The following NEBL variants were observed in gnomAD, a reference collection of about 807,000 sequenced individuals.
The protein encoded by NEBL is LIM and SH3 protein 2.
In NEBL, 122 loss-of-function variants were observed where a neutral mutation model predicts 140.2. That is an observed-to-expected ratio of 0.87 (90% CI 0.75 to 1.01). The LOEUF (loss-of-function observed/expected upper bound fraction) is 1.01, where lower values mean the gene tolerates loss of function less well. Among genes scored for constraint, NEBL ranks in the 50% least tolerant of loss-of-function variants. The pLI is 0.00. For synonymous variants in NEBL, 436 were observed against 398.9 expected, an observed-to-expected ratio of 1.09 and a Z score of -1.11; for missense variants, 1,365 against 1,231.3, an observed-to-expected ratio of 1.11 and a Z score of -1.62.
intron 3 of NEBL, among the ~76,000 whole-genome samples, chr10:20,999,102 T>C (rs1489838993): frequency 6.6e-6 from 1 of 151,858 alleles, no homozygotes; most frequent in African/African-American, 2.4e-5. Flanking sequence ...CACCAAAAAT[T>C]TCCAAATCCT....
At chr10:21,248,272 C>G (rs1348928186) in intron 2 of NEBL, among the ~76,000 whole-genome samples, 1 of 151,282 alleles carries the variant, frequency 6.6e-6, no homozygotes, top group East Asian at 1.9e-4. Flanking sequence ...TGAGGTCTCA[C>G]TATGTTGCCC....
At chr10:21,193,519 T>C (rs1841607108) in intron 3 of NEBL, among the ~76,000 whole-genome samples, 1 of 152,146 alleles carries the variant, frequency 6.6e-6, no homozygotes, top group Admixed American at 6.6e-5. Flanking sequence ...ACAAACACTA[T>C]TTCAAGCCAA....
intron 3 of NEBL, among the ~76,000 whole-genome samples, chr10:21,201,797 TA>T (rs760098043): frequency 1.3e-5 from 2 of 152,226 alleles, no homozygotes; most frequent in Non-Finnish European, 2.9e-5. Flanking sequence ...GATCTTTGTT[TA>T]TTTTTTTATT....
intron 4 of NEBL, among the ~76,000 whole-genome samples, chr10:20,926,675 T>C (rs777683056): frequency 1.3e-5 from 2 of 152,344 alleles, no homozygotes; most frequent in South Asian, 2.1e-4. Flanking sequence ...TCATGTGAGC[T>C]GAGCGGGTGC....
At chr10:21,282,001 T>A (rs541052408) in intron 1 of NEBL, among the ~76,000 whole-genome samples, 1 of 152,358 alleles carries the variant, frequency 6.6e-6, no homozygotes, top group East Asian at 1.9e-4. Flanking sequence ...AAAGTTTCCC[T>A]CCTTCTGTCC....
intron 2 of NEBL, among the ~76,000 whole-genome samples, chr10:20,891,670 T>C (rs183263109): frequency 1.1e-4 from 16 of 152,330 alleles, no homozygotes; most frequent in African/African-American, 3.8e-4. Flanking sequence ...TCAGTCTTAA[T>C]TGTAGACTCT....
intron 4 of NEBL, 144 bp downstream of exon 4, chr10:20,887,953 C>T (rs1293138321): frequency 1.4e-6 from 1 of 692,238 alleles, no homozygotes; most frequent in Non-Finnish European, 2.6e-6. Flanking sequence ...ACAGCAACTA[C>T]TGACAGCACA....
chr10:21,113,583 A>G lies in NEBL; in HGVS notation c.164+58800T>C, dbSNP rs149557616. 5.4e-3 allele frequency among the ~76,000 whole-genome samples: 826 copies of G among 152,234 alleles called. 5 individuals are homozygous for G. Among genetic ancestry groups the G allele is most frequent in the African/African-American group, 0.019 (799 of 41,550 alleles). On this transcript the variant is annotated intron_variant, in intron 2 of 6. Coordinates refer to the NEBL transcript ENST00000417816. ...GATGATATCTGGCTGTCCTTTTTAT[A>G]ATGCAGAGTGAGAACTTTCCTTACC...
chr10:21,224,425 T>C (rs1171917160), intron 3 of NEBL, among the ~76,000 whole-genome samples: 1 of 152,200 alleles, frequency 6.6e-6, no homozygotes, highest in East Asian at 1.9e-4. Context: ...AGCACCATAG[T>C]GTAATTTGAA....
chr10:21,127,387 C>T (rs1017401818), intron 2 of NEBL, among the ~76,000 whole-genome samples: 1 of 151,902 alleles, frequency 6.6e-6, no homozygotes, highest in Non-Finnish European at 1.5e-5. Flanking sequence ...ATTGCAAAAA[C>T]CATTACTTAA....
At chr10:20,867,331 A>G (rs1256544585) in intron 7 of NEBL, among the ~76,000 whole-genome samples, 9 of 152,122 alleles carry the variant, frequency 5.9e-5, no homozygotes, top group Non-Finnish European at 1.2e-4. Context: ...GACTTATTTT[A>G]TGCTCTTCAA....
intron 2 of NEBL, among the ~76,000 whole-genome samples, chr10:21,125,104 C>T (rs150973634): frequency 7.2e-5 from 11 of 152,298 alleles, no homozygotes; most frequent in South Asian, 6.2e-4. Flanking sequence ...AGTCCTATGG[C>T]GGCAAAGAAG....
At chr10:20,923,242 A>G (rs1408213915) in intron 4 of NEBL, among the ~76,000 whole-genome samples, 1 of 151,832 alleles carries the variant, frequency 6.6e-6, no homozygotes, top group Non-Finnish European at 1.5e-5. Flanking sequence ...TAATTTTTGT[A>G]TTTCTTGTAG....
chr10:21,097,465 A>G (rs1020592075), intron 2 of NEBL, among the ~76,000 whole-genome samples: 2 of 152,186 alleles, frequency 1.3e-5, no homozygotes, highest in African/African-American at 4.8e-5. Context: ...TCCCCAAAAA[A>G]ATACATAAAT....
intron 4 of NEBL, among the ~76,000 whole-genome samples, chr10:20,913,909 T>C (rs1848430868): frequency 1.3e-5 from 2 of 152,202 alleles, no homozygotes; most frequent in Admixed American, 1.3e-4. Context: ...GTTAGCCTTT[T>C]TTGTGCTCAA....
In NEBL at chr10:20,970,148, T is replaced by C. The variant is rs73607564; in HGVS notation, c.250-8369A>G. On this transcript the variant is annotated intron_variant, in intron 3 of 6. Coordinates refer to the NEBL transcript ENST00000417816. Reference sequence around the variant, plus strand: ...AGTGGCTCCTGTGTTCCAAGCATAGTAATGAGTGTTTTACATTATTGTGTG... The same window carrying C: ...AGTGGCTCCTGTGTTCCAAGCATAGCAATGAGTGTTTTACATTATTGTGTG... Among the ~76,000 whole-genome samples, 19 of 152,280 alleles carry C rather than the reference T, an allele frequency of 1.2e-4. No individual in the cohort carries two copies. The East Asian group carries it at 3.5e-3, about 28-fold the overall frequency.
intron 4 of NEBL, among the ~76,000 whole-genome samples, chr10:20,954,606 G>A (rs1564460606): frequency 6.6e-6 from 1 of 152,196 alleles, no homozygotes; most frequent in Non-Finnish European, 1.5e-5. Flanking sequence ...GAAGAAAAGG[G>A]GGAAACAGGG....
chr10:20,803,936 T>A (rs1459760992), intron 26 of NEBL, among the ~76,000 whole-genome samples: 1 of 150,996 alleles, frequency 6.6e-6, no homozygotes, highest in African/African-American at 2.4e-5. Context: ...GTAAGAATCT[T>A]CTTGAAAGCC....
chr10:20,924,998 G>T (rs530789209), intron 4 of NEBL, among the ~76,000 whole-genome samples: 1 of 150,608 alleles, frequency 6.6e-6, no homozygotes, highest in Non-Finnish European at 1.5e-5. Flanking sequence ...TCTCTTAGAG[G>T]TAAGAGTAAT....
Sources: gnomAD v4.1 joint callset for allele counts (sites outside exome capture counted in the v4.1 genomes callset) on GRCh38, gnomAD v4.1.1 for gene constraint, MANE v1.5 for transcripts, NCBI Gene and HGNC (gene_info 2026-07-23, HGNC 2026-07-21) for gene names.